SLC50A1: variants seen among roughly 807,000 people sequenced by gnomAD.
SLC50A1 encodes the protein solute carrier family 50 member 1.
A neutral mutation model predicts 28.9 loss-of-function variants in SLC50A1; 22 were observed. The ratio of observed to expected loss-of-function variants is 0.76; its 90% confidence interval spans 0.54 to 1.09. SLC50A1 has a LOEUF of 1.09. SLC50A1 is among the 50% of genes least tolerant of loss of function. The probability of loss-of-function intolerance (pLI) is 0.00; values close to 1 mark genes in which losing one functional copy is unlikely to be tolerated. For missense variants in SLC50A1, 233 were observed against 273.4 expected (o/e 0.85, Z 1.04); for synonymous variants, 96 against 110.6 (o/e 0.87, Z 0.83).
At chr1:155,135,721 G>C (rs1023316077), upstream of SLC50A1, 2 of 1,549,756 alleles carry the variant, frequency 1.3e-6, no homozygotes, top group East Asian at 2.4e-5. Flanking sequence ...GAGGAGAGGG[G>C]CGCGAGTTCC....
intron 3 of SLC50A1, chr1:155,137,206 A>G: frequency 1.8e-6 from 1 of 560,848 alleles, no homozygotes; most frequent in Admixed American, 3.1e-5. Context: ...CCAACAAGCT[A>G]AGGGGAAAGG....
chr1:155,135,792 T>G (rs1446145024), upstream of SLC50A1: 2 of 1,555,880 alleles, frequency 1.3e-6, no homozygotes, highest in South Asian at 1.2e-5. Context: ...GGCCCGAGCG[T>G]GCGGGGGCGG....
At position 155,138,206 on chromosome 1, in the gene SLC50A1, C is replaced by T. The variant is rs1664612810; in HGVS notation, c.591C>T (p.Thr197=). 3.7e-6 allele frequency: 6 copies of T among 1,614,156 alleles called. No individual in the cohort carries two copies. The highest frequency in any genetic ancestry group is 5.1e-6 in the Non-Finnish European group (6 of 1,180,028). The change falls in exon 6 of 6, where the codon ACC becomes ACT. Residue 197 remains threonine, a synonymous_variant. Transcript: ENST00000368404. The part of the protein sequence containing the change: ...IMVSNFPGIV[T]SFIRFWLFWK... ...TGTCCAACTTTCCAGGAATCGTCAC[C>T]AGCTTTATCCGCTTCTGGCTTTTCT...
Position 155,136,385 on chromosome 1 carries a change from C to T in SLC50A1, c.158+9C>T, listed in dbSNP as rs551803174. On this transcript the variant is annotated intron_variant, in intron 2 of 5. Transcript: ENST00000368404. ...CTCACCACGGAAGTCAAGTGAGGGG[C>T]CGACGGCTGCGGTAGTGGGAAAGGC... 6 of 1,609,350 alleles carry T rather than the reference C, an allele frequency of 3.7e-6. No homozygotes were observed. In the African/African-American group the frequency reaches 4.0e-5, roughly 11 times the overall value.
chr1:155,138,547 G>T lies in SLC50A1; in HGVS notation c.*266G>T. Reference sequence around the variant, plus strand: ...TCTTTAGAATATGCCTTAAAAGGCCGGGCGCGGTGGCTCACGCCTGTAATC... The same window carrying T: ...TCTTTAGAATATGCCTTAAAAGGCCTGGCGCGGTGGCTCACGCCTGTAATC... On this transcript the variant is annotated 3_prime_UTR_variant, in exon 6 of 6. Transcript: ENST00000368404. 2.3e-6 allele frequency: 1 copy of T among 427,268 alleles called. No individual in the cohort carries two copies. Among genetic ancestry groups the T allele is most frequent in the Non-Finnish European group, 4.3e-6 (1 of 234,754 alleles). The allele number at this position is 427,268 out of a possible 1,614,324, so 26.5% of individuals were successfully genotyped here. A position where few individuals can be genotyped will look rare whatever the true frequency, so the allele number is the denominator to read the frequency against.
At chr1:155,136,065 C>CCA in intron 1 of SLC50A1, 74 bp downstream of exon 1, 1 of 1,549,500 alleles carries the variant, frequency 6.5e-7, no homozygotes. Context: ...AGAGACGTGG[C>CCA]CACAGCACCT....
intron 1 of SLC50A1, 80 bp downstream of exon 1, chr1:155,136,071 C>T: frequency 6.5e-7 from 1 of 1,530,960 alleles, no homozygotes; most frequent in South Asian, 1.2e-5. Flanking sequence ...GTGGCCACAG[C>T]ACCTGGCTCG....
chr1:155,135,836 A>G (rs1012501461), upstream of SLC50A1: 4 of 1,597,610 alleles, frequency 2.5e-6, no homozygotes, highest in African/African-American at 2.7e-5. Flanking sequence ...CCAGAGCCGC[A>G]GGTCTGGGCT....
rs1314387957 is a variant in SLC50A1 at position 155,138,293 on chromosome 1, T to G, written c.*12T>G. On this transcript the variant is annotated 3_prime_UTR_variant, in exon 6 of 6. Transcript: ENST00000368404. ...TCCTGCAAACCTGAGGCTGCTCATCTGACCACTGGGCACCTTAGTGCCAAC... is the reference window on the plus strand; with the variant it reads ...TCCTGCAAACCTGAGGCTGCTCATCGGACCACTGGGCACCTTAGTGCCAAC... 1 of 1,613,044 alleles carries G rather than the reference T, an allele frequency of 6.2e-7. No individual in the cohort carries two copies. Among genetic ancestry groups the G allele is most frequent in the East Asian group, 2.2e-5 (1 of 44,884 alleles).
chr1:155,136,407 A>G (rs549444787), intron 2 of SLC50A1, 31 bp downstream of exon 2: 3 of 1,565,480 alleles, frequency 1.9e-6, no homozygotes, highest in Admixed American at 3.4e-5. Flanking sequence ...GTAGTGGGAA[A>G]GGCTACCAGA....
upstream of SLC50A1, chr1:155,135,833 C>G: frequency 6.3e-7 from 1 of 1,594,170 alleles, no homozygotes; most frequent in Non-Finnish European, 8.5e-7. Context: ...GCTCCAGAGC[C>G]GCAGGTCTGG....
upstream of SLC50A1, chr1:155,135,789 G>C: frequency 3.2e-6 from 5 of 1,554,620 alleles, no homozygotes; most frequent in Non-Finnish European, 4.3e-6. Context: ...GACGGCCCGA[G>C]CGTGCGGGGG....
At position 155,138,363 on chromosome 1, in the gene SLC50A1, G is replaced by A; in HGVS notation, c.*82G>A. 1 of 1,334,644 alleles carries A rather than the reference G, an allele frequency of 7.5e-7. No homozygotes were observed. Among genetic ancestry groups the A allele is most frequent in the Non-Finnish European group, 1.1e-6 (1 of 945,996 alleles). The allele number at this position is 1,334,644 out of a possible 1,614,324, so 82.7% of individuals were successfully genotyped here. On this transcript the variant is annotated 3_prime_UTR_variant, in exon 6 of 6. Transcript: ENST00000368404. ...TTGTTTCAGCTGGGCCTGCTGTCCA[G>A]CTTCCCAGGTGCAGTGGGTTGTGGG... is the stretch of plus-strand genomic sequence containing the variant.
At chr1:155,136,102 G>T in intron 1 of SLC50A1, 111 bp downstream of exon 1, 1 of 1,384,932 alleles carries the variant, frequency 7.2e-7, no homozygotes, top group East Asian at 2.5e-5. Context: ...GGATCAAAGT[G>T]GGATCGGGTC....
intron 3 of SLC50A1, 124 bp from the exon 4 acceptor site, chr1:155,137,437 T>G (rs969460750): frequency 1.8e-6 from 2 of 1,123,604 alleles, no homozygotes; most frequent in Non-Finnish European, 2.6e-6. Context: ...GCTGTGACAG[T>G]GCAGTGCTGG....
In SLC50A1 at chr1:155,137,561, CGT is replaced by C; in HGVS notation, c.286_287del (p.Val96CysfsTer27). 1 of 1,613,938 alleles carries C rather than the reference CGT, an allele frequency of 6.2e-7. No homozygotes were observed. The highest frequency in any genetic ancestry group is 8.5e-7 in the Non-Finnish European group (1 of 1,179,914). On this transcript the variant is annotated frameshift_variant and splice_region_variant, in exon 4 of 6. Coordinates refer to ENST00000368404, the MANE Select transcript of SLC50A1 (RefSeq NM_018845.4). LOFTEE classifies it high-confidence loss of function. ...AGTAAGGGTACTCTCTCCCCTGCAG[CGT>C]GTTGTGCTCCTACAGACTGCAACCC... ...LAYLHYCPRK[R>X]VVLLQTATLL...
chr1:155,135,768 G>A, upstream of SLC50A1: 3 of 1,550,678 alleles, frequency 1.9e-6, no homozygotes, highest in Non-Finnish European at 2.6e-6. Context: ...CTTCGGCGCA[G>A]TTTCCGGAGG....
chr1:155,135,665 C>A (rs1248357217), upstream of SLC50A1: 32 of 1,550,304 alleles, frequency 2.1e-5, no homozygotes, highest in East Asian at 7.6e-4. Flanking sequence ...AGGGGACTGA[C>A]CGGGACATGG....
intron 2 of SLC50A1, chr1:155,136,600 G>A: frequency 2.8e-6 from 2 of 702,652 alleles, no homozygotes; most frequent in South Asian, 3.8e-5. Context: ...AAAATTAGCC[G>A]GGCGTGGTGC....
Sources: gnomAD v4.1 joint callset for allele counts on GRCh38, gnomAD v4.1.1 for gene constraint, MANE v1.5 for transcripts, NCBI Gene and HGNC (gene_info 2026-07-23, HGNC 2026-07-21) for gene names.